Variants in CTNND2 observed in about 807,000 individuals in gnomAD.
The protein encoded by CTNND2 is catenin delta 2.
A neutral mutation model predicts 144.4 loss-of-function variants in CTNND2; 22 were observed. The observed-to-expected ratio is 0.15, with a 90% CI of 0.11 to 0.22. The LOEUF (loss-of-function observed/expected upper bound fraction) is 0.22, where lower values mean the gene tolerates loss of function less well. CTNND2 is among the 10% of genes least tolerant of loss of function. CTNND2 has a pLI of 1.00. For synonymous variants in CTNND2, 751 were observed against 695.6 expected (o/e 1.08, Z -1.25); for missense variants, 1,353 against 1,618.8 (o/e 0.84, Z 2.82).
chr5:11,652,242 C>A (rs1209630758), intron 2 of CTNND2, among the ~76,000 whole-genome samples: 1 of 152,174 alleles, frequency 6.6e-6, no homozygotes, highest in African/African-American at 2.4e-5. Context: ...TGTAGCACCT[C>A]CCCGTTTGCT....
At chr5:11,781,278 T>TA (rs1790530824) in intron 1 of CTNND2, among the ~76,000 whole-genome samples, 2 of 152,052 alleles carry the variant, frequency 1.3e-5, no homozygotes, top group African/African-American at 4.8e-5. Context: ...TTAAAAAAAA[T>TA]AAAAAATAAA....
At chr5:11,188,242 T>C (rs1215000110) in intron 11 of CTNND2, among the ~76,000 whole-genome samples, 3 of 145,266 alleles carry the variant, frequency 2.1e-5, no homozygotes, top group African/African-American at 7.4e-5. Context: ...GAAAATGTGG[T>C]ATATATATAT....
chr5:11,132,744 G>T (rs1467133098), intron 12 of CTNND2, among the ~76,000 whole-genome samples: 1 of 152,144 alleles, frequency 6.6e-6, no homozygotes, highest in East Asian at 1.9e-4. Context: ...TAGAAAAGGA[G>T]ACTCCAAGAG....
chr5:11,484,214 C>T (rs26148), intron 3 of CTNND2, among the ~76,000 whole-genome samples: 91,487 of 152,090 alleles, frequency 0.6, 28,664 homozygotes, highest in African/African-American at 0.77. Context: ...CAATATTCAA[C>T]GATCTAGCCG....
intron 2 of CTNND2, among the ~76,000 whole-genome samples, chr5:11,649,348 C>T (rs903080970): frequency 3.3e-5 from 5 of 152,070 alleles, no homozygotes; most frequent in African/African-American, 4.8e-5. Flanking sequence ...GACAGAGTCT[C>T]GCTCTGTCAC....
At chr5:11,838,348 A>G (rs1794286114) in intron 1 of CTNND2, among the ~76,000 whole-genome samples, 1 of 152,184 alleles carries the variant, frequency 6.6e-6, no homozygotes. Context: ...CACAGCAGGC[A>G]CATTTATTTT....
chr5:11,345,806 C>G (rs1754715656), intron 9 of CTNND2, among the ~76,000 whole-genome samples: 1 of 151,492 alleles, frequency 6.6e-6, no homozygotes, highest in Non-Finnish European at 1.5e-5. Flanking sequence ...CAACAACAAC[C>G]ACAAAAAAAA....
chr5:11,211,579 T>A (rs1266239835), intron 10 of CTNND2, among the ~76,000 whole-genome samples: 7 of 152,230 alleles, frequency 4.6e-5, no homozygotes, highest in African/African-American at 1.7e-4. Flanking sequence ...GGGCTTTTAA[T>A]AAATGAGTGT....
At chr5:11,806,169 A>G (rs1322982888) in intron 1 of CTNND2, among the ~76,000 whole-genome samples, 1 of 152,168 alleles carries the variant, frequency 6.6e-6, no homozygotes, top group Non-Finnish European at 1.5e-5. Flanking sequence ...AGTTTAGTTA[A>G]TAACAATACA....
chr5:11,551,112 G>C (rs1179876415), intron 3 of CTNND2, among the ~76,000 whole-genome samples: 1 of 152,114 alleles, frequency 6.6e-6, no homozygotes, highest in Non-Finnish European at 1.5e-5. Flanking sequence ...TGCCTACTCA[G>C]CAACGTGCAA....
At chr5:11,108,913 A>T (rs540609471) in intron 14 of CTNND2, among the ~76,000 whole-genome samples, 27 of 152,340 alleles carry the variant, frequency 1.8e-4, no homozygotes, top group Admixed American at 1.5e-3. Flanking sequence ...TTGCTACAAA[A>T]GGTGCAAAAA....
At chr5:11,758,268 A>G (rs1462384001) in intron 1 of CTNND2, among the ~76,000 whole-genome samples, 1 of 151,876 alleles carries the variant, frequency 6.6e-6, no homozygotes, top group Non-Finnish European at 1.5e-5. Context: ...GGAGTATGAT[A>G]TGATGTTTTG....
At chr5:11,774,561 T>TAAAA (rs1202575547) in intron 1 of CTNND2, among the ~76,000 whole-genome samples, 4,935 of 116,448 alleles carry the variant, frequency 0.042, 366 homozygotes, top group East Asian at 0.062. Context: ...AAAAAAAAAT[T>TAAAA]AAAAAAAAAA....
intron 1 of CTNND2, among the ~76,000 whole-genome samples, chr5:11,878,775 T>C (rs1436843312): frequency 6.6e-6 from 1 of 152,142 alleles, no homozygotes; most frequent in Admixed American, 6.5e-5. Flanking sequence ...CCACACCATA[T>C]TTCCTGAGAC....
At position 11,728,238 on chromosome 5, in the gene CTNND2, C is replaced by T. The variant is rs375156351; in HGVS notation, c.174+3898G>A. ...CTGTAATCCCAGCACTTTGGGAGGC[C>T]GAGGCTGGTGGGTCATGAGGTCAGG... On this transcript the variant is annotated intron_variant, in intron 2 of 21. Coordinates refer to ENST00000304623, the MANE Select transcript of CTNND2 (RefSeq NM_001332.4). Among the ~76,000 whole-genome samples the T allele has an allele frequency of 4.0e-5, 6 of 151,640 alleles. No individual in the cohort carries two copies. The South Asian group carries it at 8.3e-4, about 21-fold the overall frequency.
intron 1 of CTNND2, among the ~76,000 whole-genome samples, chr5:11,866,156 A>G (rs1478057486): frequency 6.6e-6 from 1 of 152,118 alleles, no homozygotes; most frequent in Non-Finnish European, 1.5e-5. Flanking sequence ...TTTAAAAGTT[A>G]GCCAGGTGCA....
intron 12 of CTNND2, among the ~76,000 whole-genome samples, chr5:11,128,840 G>GTATATAATA (rs533460275): frequency 3.4e-5 from 2 of 59,234 alleles, no homozygotes; most frequent in Non-Finnish European, 6.5e-5. Context: ...ATTATATTAA[G>GTATATAATA]TATATAATAT....
At position 11,008,672 on chromosome 5, in the gene CTNND2, G is replaced by A. The variant is rs540161821; in HGVS notation, c.3084+9302C>T. ...TCTCGAAGTCTTAGACCTTCCACTC[G>A]GAGTTGCAAAAATGGTGGACAAAAT... On this transcript the variant is annotated intron_variant, in intron 18 of 21. Coordinates refer to ENST00000304623, the MANE Select transcript of CTNND2 (RefSeq NM_001332.4). Among the ~76,000 whole-genome samples the A allele has an allele frequency of 2.0e-4, 31 of 152,228 alleles. No individual in the cohort carries two copies. The South Asian group carries it at 3.7e-3, about 18-fold the overall frequency.
At chr5:11,885,678 C>A (rs1736467253) in intron 1 of CTNND2, among the ~76,000 whole-genome samples, 1 of 152,088 alleles carries the variant, frequency 6.6e-6, no homozygotes, top group South Asian at 2.1e-4. Flanking sequence ...CCAAACAGAC[C>A]TAACTGACAT....
Sources: gnomAD v4.1 joint callset for allele counts (sites outside exome capture counted in the v4.1 genomes callset) on GRCh38, gnomAD v4.1.1 for gene constraint, MANE v1.5 for transcripts, NCBI Gene and HGNC (gene_info 2026-07-23, HGNC 2026-07-21) for gene names.